CSMD3: variants seen among roughly 807,000 people sequenced by gnomAD.
The protein encoded by CSMD3 is CUB and sushi domain-containing protein 3.
In CSMD3, 177 loss-of-function variants were observed where a neutral mutation model predicts 435.2. The ratio of observed to expected loss-of-function variants is 0.41; its 90% CI spans 0.36 to 0.46. CSMD3 has a LOEUF of 0.46. Ranked by LOEUF, CSMD3 falls within the 20% of genes least tolerant of loss-of-function variation. The pLI is 0.34. For synonymous variants in CSMD3, 1,656 were observed against 1,520.5 expected (o/e 1.09, Z -2.07); for missense variants, 4,265 against 4,504.6 (o/e 0.95, Z 1.52).
chr8:113,339,270 A>G (rs1361066569), intron 1 of CSMD3, among the ~76,000 whole-genome samples: 1 of 151,970 alleles, frequency 6.6e-6, no homozygotes, highest in Non-Finnish European at 1.5e-5. Flanking sequence ...ATTACATAAT[A>G]TAAATGTCTC....
rs192631208 is a variant in CSMD3 at position 112,986,575 on chromosome 8, A to T, written c.1031-10427T>A. ...CTTCAACCATTTTAGTATTAAAACC[A>T]TCGAATGCTCTAGTCCTATATTCAT... On this transcript the variant is annotated intron_variant, in intron 6 of 70. Transcript: ENST00000297405. Among the ~76,000 whole-genome samples, 108 of 152,262 alleles carry T rather than the reference A, an allele frequency of 7.1e-4. 1 individual carries two copies. Among genetic ancestry groups the T allele is most frequent in the Admixed American group, 2.6e-3 (39 of 15,260 alleles).
chr8:112,347,246 A>C (rs970637165), intron 40 of CSMD3, among the ~76,000 whole-genome samples: 5 of 152,196 alleles, frequency 3.3e-5, no homozygotes, highest in Non-Finnish European at 2.9e-5. Flanking sequence ...AGAACCCTTG[A>C]GCATATATGA....
intron 13 of CSMD3, among the ~76,000 whole-genome samples, chr8:112,753,567 A>G (rs555116025): frequency 3.9e-4 from 60 of 152,308 alleles, no homozygotes; most frequent in African/African-American, 1.3e-3. Context: ...ATGTTTCAGG[A>G]GCCTCTATAT....
intron 12 of CSMD3, among the ~76,000 whole-genome samples, chr8:112,806,507 A>G (rs2079090573): frequency 6.6e-6 from 1 of 152,188 alleles, no homozygotes; most frequent in East Asian, 1.9e-4. Flanking sequence ...AGTGCAAAAA[A>G]TCCAGAATGT....
chr8:112,832,349 G>C (rs2079901230), intron 11 of CSMD3, among the ~76,000 whole-genome samples: 1 of 152,092 alleles, frequency 6.6e-6, no homozygotes, highest in South Asian at 2.1e-4. Flanking sequence ...ATATGGAAAA[G>C]GTGAAGGAAT....
At chr8:113,011,948 T>C (rs1349454226) in intron 6 of CSMD3, among the ~76,000 whole-genome samples, 3 of 151,794 alleles carry the variant, frequency 2.0e-5, no homozygotes, top group Admixed American at 6.6e-5. Context: ...AGTAAAATAA[T>C]TTTCTATGTT....
At chr8:112,295,002 C>T (rs1474900330) in intron 54 of CSMD3, among the ~76,000 whole-genome samples, 3 of 152,036 alleles carry the variant, frequency 2.0e-5, no homozygotes, top group African/African-American at 7.2e-5. Context: ...TACCCATCAC[C>T]TGAGGAGTAT....
chr8:112,683,197 G>C (rs116776464), intron 15 of CSMD3, among the ~76,000 whole-genome samples: 2 of 151,646 alleles, frequency 1.3e-5, no homozygotes, highest in Admixed American at 6.6e-5. Flanking sequence ...TAATTCTTTC[G>C]CAATTACCAT....
At chr8:113,065,995 T>C (rs1297907118) in intron 5 of CSMD3, among the ~76,000 whole-genome samples, 2 of 151,592 alleles carry the variant, frequency 1.3e-5, no homozygotes, top group African/African-American at 4.8e-5. Context: ...ATATGAATGC[T>C]TTATACAGTG....
chr8:113,028,144 T>C (rs1049331754), intron 5 of CSMD3, among the ~76,000 whole-genome samples: 2 of 152,112 alleles, frequency 1.3e-5, no homozygotes, highest in Non-Finnish European at 2.9e-5. Flanking sequence ...ATTTTAATAA[T>C]TCTCATAACA....
intron 1 of CSMD3, among the ~76,000 whole-genome samples, chr8:113,342,598 G>A (rs544122002): frequency 2.0e-5 from 3 of 152,130 alleles, no homozygotes; most frequent in East Asian, 1.9e-4. Flanking sequence ...GACTCAACTC[G>A]ACTCTACTCT....
chr8:112,817,560 C>A (rs780633912), intron 12 of CSMD3, among the ~76,000 whole-genome samples: 1 of 151,926 alleles, frequency 6.6e-6, no homozygotes, highest in Non-Finnish European at 1.5e-5. Flanking sequence ...TGACTTTTGT[C>A]ACTAGACGAC....
intron 10 of CSMD3, among the ~76,000 whole-genome samples, chr8:112,869,923 T>C (rs1421800341): frequency 6.6e-6 from 1 of 151,980 alleles, no homozygotes; most frequent in Non-Finnish European, 1.5e-5. Flanking sequence ...GACAAATACA[T>C]AATGTATGCA....
chr8:112,556,210 G>A (rs1220391388), intron 25 of CSMD3, among the ~76,000 whole-genome samples: 1 of 151,646 alleles, frequency 6.6e-6, no homozygotes, highest in African/African-American at 2.4e-5. Context: ...CTACAAGATG[G>A]TAGGAATAAA....
At chr8:112,967,383 C>G (rs1216046648) in intron 7 of CSMD3, among the ~76,000 whole-genome samples, 1 of 151,750 alleles carries the variant, frequency 6.6e-6, no homozygotes, top group East Asian at 1.9e-4. Flanking sequence ...GGTGTTTTTC[C>G]TACCTATGTT....
rs2130778100 is a variant in CSMD3 at position 112,304,809 on chromosome 8, G to A, written c.8178C>T (p.Asp2726=). The part of the protein sequence containing the change: ...EYKTKVVFSC[D]PGYHGLGPAS... ...CAGGACCTAGTCCATGATAACCAGG[G>A]TCACAGCTGAAAACTACTTTGGTTT... is the stretch of plus-strand genomic sequence containing the variant. Residue 2726 remains aspartate (D), a synonymous_variant, in exon 52 of 71, where the codon GAC becomes GAT. Transcript: ENST00000297405. 6.2e-7 allele frequency: 1 copy of A among 1,613,798 alleles called. No individual in the cohort carries two copies. Among genetic ancestry groups the A allele is most frequent in the Non-Finnish European group, 8.5e-7 (1 of 1,179,784 alleles).
intron 12 of CSMD3, among the ~76,000 whole-genome samples, chr8:112,804,696 C>T (rs1429131215): frequency 2.0e-5 from 3 of 149,452 alleles, no homozygotes; most frequent in East Asian, 2.0e-4. Context: ...GATGAAGTCT[C>T]GCTCTGTCAC....
chr8:113,010,725 C>A (rs1324753666), intron 6 of CSMD3, among the ~76,000 whole-genome samples: 1 of 151,488 alleles, frequency 6.6e-6, no homozygotes, highest in Admixed American at 6.6e-5. Context: ...TACAAACAAA[C>A]CCATATTTAC....
At chr8:112,981,210 A>G (rs1451310667) in intron 6 of CSMD3, among the ~76,000 whole-genome samples, 1 of 151,376 alleles carries the variant, frequency 6.6e-6, no homozygotes, top group Non-Finnish European at 1.5e-5. Context: ...TAAGAAAAAA[A>G]CTGCAGCAAT....
Sources: gnomAD v4.1 joint callset for allele counts (sites outside exome capture counted in the v4.1 genomes callset) on GRCh38, gnomAD v4.1.1 for gene constraint, MANE v1.5 for transcripts, NCBI Gene and HGNC (gene_info 2026-07-23, HGNC 2026-07-21) for gene names.